SERPINB7: variants seen among roughly 807,000 people sequenced by gnomAD.
SERPINB7 encodes serpin family B member 7.
Under a neutral mutation model 37.4 loss-of-function variants are expected in SERPINB7, and 31 were observed. That is an observed-to-expected ratio of 0.83 (90% CI 0.62 to 1.12). The LOEUF (loss-of-function observed/expected upper bound fraction) is 1.12, where lower values mean the gene tolerates loss of function less well. Among genes scored for constraint, SERPINB7 ranks in the 50% most tolerant of loss-of-function variants. SERPINB7 has a pLI of 0.00. For missense variants in SERPINB7, 521 were observed against 455.3 expected (o/e 1.14, Z -1.31); for synonymous variants, 163 against 166.1 (o/e 0.98, Z 0.14).
At chr18:63,803,326 A>T (rs2049569932) in intron 7 of SERPINB7, among the ~76,000 whole-genome samples, 1 of 152,198 alleles carries the variant, frequency 6.6e-6, no homozygotes, top group South Asian at 2.1e-4. Context: ...TTCAAATTAG[A>T]CTAAATTTGA....
chr18:63,795,087 A>T (rs1427868293), intron 4 of SERPINB7, among the ~76,000 whole-genome samples: 1 of 152,238 alleles, frequency 6.6e-6, no homozygotes, highest in East Asian at 1.9e-4. Context: ...TTTCTTAGGC[A>T]ACTATTATGT....
chr18:63,794,333 A>G (rs1262204887), intron 4 of SERPINB7, among the ~76,000 whole-genome samples: 1 of 151,828 alleles, frequency 6.6e-6, no homozygotes, highest in East Asian at 1.9e-4. Context: ...TGCTATCTTT[A>G]TTCCTTGCTG....
intron 7 of SERPINB7, among the ~76,000 whole-genome samples, chr18:63,803,213 G>A (rs1044647762): frequency 1.2e-4 from 18 of 151,544 alleles, no homozygotes; most frequent in African/African-American, 4.4e-4. Flanking sequence ...ACCAGATAAC[G>A]ATGAGGAAGT....
chr18:63,770,441 A>G (rs988628985), upstream of SERPINB7, among the ~76,000 whole-genome samples: 1 of 151,858 alleles, frequency 6.6e-6, no homozygotes, highest in Non-Finnish European at 1.5e-5. Context: ...TTTTAGTTGT[A>G]ATTAGCAGGA....
At chr18:63,803,447 A>G (rs2049571149) in intron 7 of SERPINB7, among the ~76,000 whole-genome samples, 1 of 152,228 alleles carries the variant, frequency 6.6e-6, no homozygotes, top group African/African-American at 2.4e-5. Context: ...CTTATGTAAG[A>G]TTTCTAAACA....
rs1008035402 is a variant in SERPINB7 at position 63,796,266 on chromosome 18, G to C, written c.337G>C (p.Asp113His). 1 of 1,552,730 alleles carries C rather than the reference G, an allele frequency of 6.4e-7. No individual in the cohort carries two copies. Among genetic ancestry groups the C allele is most frequent in the African/African-American group, 1.4e-5 (1 of 73,638 alleles). ...ACGAGAACTATATTCTTCTTTATAG[G>C]ACTACATTGAGTGTGCCGAAAAATT... ...FAEKVYGFHKDYIECAEKLYD... is the reference protein window; with the variant it reads ...FAEKVYGFHKHYIECAEKLYD... The change falls in exon 5 of 8, where the codon GAC becomes CAC. Residue 113 changes from aspartate (D) to histidine (H), a missense_variant and splice_region_variant. By Grantham distance (81) the Asp-to-His change is moderately conservative. Transcript: ENST00000398019.
At chr18:63,801,917 C>T (rs537382839) in intron 7 of SERPINB7, among the ~76,000 whole-genome samples, 9 of 152,242 alleles carry the variant, frequency 5.9e-5, no homozygotes, top group East Asian at 1.9e-4. Context: ...TACATCGTGG[C>T]GGAATTCAGG....
chr18:63,780,758 C>T (rs1334908687), intron 1 of SERPINB7, among the ~76,000 whole-genome samples: 4 of 152,088 alleles, frequency 2.6e-5, no homozygotes, highest in East Asian at 1.9e-4. Flanking sequence ...TGACTTATAA[C>T]GAATTCTATA....
chr18:63,756,797 G>A (rs2049124376), intron 1 of SERPINB7, among the ~76,000 whole-genome samples: 1 of 111,446 alleles, frequency 9.0e-6, no homozygotes, highest in African/African-American at 3.2e-5. Context: ...CAGGGTCTTG[G>A]GGTAGCTTGT....
rs1346388249 is a variant in SERPINB7 at position 63,782,805 on chromosome 18, C to G, written c.168+265C>G. 3.3e-5 allele frequency among the ~76,000 whole-genome samples: 5 copies of G among 152,140 alleles called. No individual in the cohort carries two copies. The East Asian group carries it at 9.6e-4, about 29-fold the overall frequency. ...GCAGTGGTTCTCAAAGTGTGTTTCC[C>G]AGACCAGGATCATCAGCACCGCCTG... On this transcript the variant is annotated intron_variant, in intron 2 of 7. Transcript: ENST00000398019.
chr18:63,777,322 A>G (rs1301236907), intron 1 of SERPINB7, among the ~76,000 whole-genome samples: 1 of 152,100 alleles, frequency 6.6e-6, no homozygotes, highest in Non-Finnish European at 1.5e-5. Flanking sequence ...CTGGGACTGC[A>G]GTGCTACTCC....
chr18:63,802,941 A>G (rs960669919), intron 7 of SERPINB7, among the ~76,000 whole-genome samples: 1 of 152,204 alleles, frequency 6.6e-6, no homozygotes, highest in Non-Finnish European at 1.5e-5. Context: ...GACCATATAA[A>G]ATATTGGTCC....
At chr18:63,770,505 T>G (rs1462007770), upstream of SERPINB7, among the ~76,000 whole-genome samples, 1 of 151,998 alleles carries the variant, frequency 6.6e-6, no homozygotes, top group Non-Finnish European at 1.5e-5. Flanking sequence ...GAAGCTATTG[T>G]CATTATTATT....
At chr18:63,793,093 T>C in intron 3 of SERPINB7, 68 bp from the exon 4 acceptor site, 2 of 775,904 alleles carry the variant, frequency 2.6e-6, no homozygotes, top group Non-Finnish European at 4.1e-6. Context: ...TTTTGTTTTA[T>C]GTGTAAGTGA....
chr18:63,754,880 CTTTTTTTTTTTTTTT>C (rs71162676), intron 1 of SERPINB7, among the ~76,000 whole-genome samples: 4 of 57,940 alleles, frequency 6.9e-5, no homozygotes, highest in South Asian at 9.3e-4. Context: ...AAACTGAGGT[CTTTTTTTTTTTTTTT>C]TTTTTTTTTT....
At chr18:63,799,754 T>C (rs910699293) in intron 6 of SERPINB7, among the ~76,000 whole-genome samples, 11 of 152,176 alleles carry the variant, frequency 7.2e-5, no homozygotes, top group East Asian at 3.9e-4. Context: ...TTTCTGAGGA[T>C]TGGACTTTAA....
chr18:63,786,136 C>CATATAATATAAGTAT (rs1555694575), intron 2 of SERPINB7, among the ~76,000 whole-genome samples: 1 of 120,066 alleles, frequency 8.3e-6, no homozygotes, highest in African/African-American at 3.4e-5. Context: ...TACGTATATA[C>CATATAATATAAGTAT]ATATATACAC....
chr18:63,767,544 T>G (rs1198215068), intron 1 of SERPINB7, among the ~76,000 whole-genome samples: 1 of 152,112 alleles, frequency 6.6e-6, no homozygotes, highest in Non-Finnish European at 1.5e-5. Context: ...TTCCTTGGAG[T>G]GTTAATAGAT....
chr18:63,799,214 T>A (rs915939245), intron 6 of SERPINB7, among the ~76,000 whole-genome samples: 6 of 152,248 alleles, frequency 3.9e-5, no homozygotes, highest in African/African-American at 1.4e-4. Context: ...ACAAGCCATA[T>A]GTATTTCTTC....
Sources: allele counts gnomAD v4.1 joint callset (sites outside exome capture counted in the v4.1 genomes callset), GRCh38; gene constraint gnomAD v4.1.1; transcripts MANE v1.5; gene names NCBI Gene and HGNC (gene_info 2026-07-23, HGNC 2026-07-21).